ARMH4: variants seen among roughly 807,000 people sequenced by gnomAD.
ARMH4 encodes the protein armadillo like helical domain containing 4.
ARMH4 carries 49 observed loss-of-function variants against 61.9 expected under a neutral mutation model. That is an observed-to-expected ratio of 0.79 (90% CI 0.63 to 1.00). The LOEUF is 1.00. Ranked by LOEUF, ARMH4 falls within the 50% of genes least tolerant of loss-of-function variation. ARMH4 has a pLI of 0.00. For missense variants in ARMH4, 934 were observed against 930.0 expected (o/e 1.00, Z -0.06); for synonymous variants, 368 against 341.5 (o/e 1.08, Z -0.85).
rs942417730 is a variant in ARMH4 at position 58,138,339 on chromosome 14, C to G, written c.1020G>C (p.Thr340=). ...LGDNEETQVR[T]EMSQTAQVSH... is the part of the protein sequence containing the mutation. Reference sequence around the variant, plus strand: ...TTACTTGTGCTGTCTGAGACATCTCCGTTCTCACCTGAGTCTCTTCATTGT... The same window carrying G: ...TTACTTGTGCTGTCTGAGACATCTCGGTTCTCACCTGAGTCTCTTCATTGT... Residue 340 remains threonine, a synonymous_variant, in exon 2 of 8, where the codon ACG becomes ACC. Coordinates refer to ENST00000267485, the MANE Select transcript of ARMH4 (RefSeq NM_001001872.4). 7 of 1,614,198 alleles carry G rather than the reference C, an allele frequency of 4.3e-6. No individual in the cohort carries two copies. Among genetic ancestry groups the G allele is most frequent in the Non-Finnish European group, 5.9e-6 (7 of 1,180,034 alleles).
At chr14:58,130,595 G>A (rs1426353865) in intron 4 of ARMH4, among the ~76,000 whole-genome samples, 7 of 147,512 alleles carry the variant, frequency 4.7e-5, no homozygotes, top group South Asian at 2.3e-4. Flanking sequence ...ACGTGACTAT[G>A]TGTCATATTT....
rs201610059 is a variant in ARMH4 at position 58,131,541 on chromosome 14, G to A, written c.1802C>T (p.Ser601Leu). The change falls in exon 4 of 8, where the codon TCA (serine) becomes TTA (leucine). Residue 601 changes from serine to leucine, a missense_variant. By Grantham distance (145) the Ser-to-Leu change is moderately radical (BLOSUM62 -2). Transcript: ENST00000267485. ...PSITRVNTAASYGLDQLESEE... is the reference protein window; with the variant it reads ...PSITRVNTAALYGLDQLESEE... Reference sequence around the variant, plus strand: ...AGATTCAAGTTGGTCCAGGCCATATGAGGCAGCTGTATTAACACGAGTAAT... The same window carrying A: ...AGATTCAAGTTGGTCCAGGCCATATAAGGCAGCTGTATTAACACGAGTAAT... 26 of 1,614,152 alleles carry A rather than the reference G, an allele frequency of 1.6e-5. No homozygotes were observed. Among genetic ancestry groups the A allele is most frequent in the East Asian group, 2.2e-5 (1 of 44,878 alleles).
chr14:58,069,459 T>G (rs988326800), intron 5 of ARMH4, among the ~76,000 whole-genome samples: 1 of 152,072 alleles, frequency 6.6e-6, no homozygotes, highest in African/African-American at 2.4e-5. Context: ...AAGGAAGTAA[T>G]AGATTAATGA....
At chr14:58,152,014 G>C (rs1036955581) in intron 1 of ARMH4, 61 bp downstream of exon 1, 18 of 152,588 alleles carry the variant, frequency 1.2e-4, no homozygotes, top group African/African-American at 4.1e-4. Context: ...TTCCGTCCCT[G>C]CCCCGGCGCC....
At chr14:58,121,372 A>C (rs999028601) in intron 4 of ARMH4, among the ~76,000 whole-genome samples, 13 of 152,204 alleles carry the variant, frequency 8.5e-5, no homozygotes, top group African/African-American at 1.7e-4. Context: ...CACACACACA[A>C]AAAATAGATG....
chr14:58,046,248 G>A (rs370025879), intron 5 of ARMH4, among the ~76,000 whole-genome samples: 44 of 152,228 alleles, frequency 2.9e-4, no homozygotes, highest in African/African-American at 8.7e-4. Context: ...GGACCAATAC[G>A]TTTGGAAACT....
rs530154400 is a variant in ARMH4, at chr14:58,011,529, T to C, written c.2121+590A>G. ...ACTCCATCAATATCTTTATGAGTAA[T>C]TCAGTTTAAAATTACCAAGTAACCA... On this transcript the variant is annotated intron_variant, in intron 6 of 7. Coordinates refer to ENST00000267485, the MANE Select transcript of ARMH4 (RefSeq NM_001001872.4). Among the ~76,000 whole-genome samples the C allele has an allele frequency of 1.2e-4, 19 of 152,176 alleles. No homozygotes were observed. The South Asian group carries it at 3.7e-3, about 30-fold the overall frequency.
chr14:58,144,881 CA>C (rs1009819084), intron 1 of ARMH4, among the ~76,000 whole-genome samples: 8 of 151,438 alleles, frequency 5.3e-5, no homozygotes, highest in Admixed American at 6.6e-5. Context: ...AAAAAACAAA[CA>C]AAAAAAATAT....
chr14:58,091,886 A>T (rs1160105338), intron 5 of ARMH4, among the ~76,000 whole-genome samples: 1 of 152,046 alleles, frequency 6.6e-6, no homozygotes, highest in African/African-American at 2.4e-5. Context: ...TATCCCAGCA[A>T]CACACAGTTC....
intron 4 of ARMH4, among the ~76,000 whole-genome samples, chr14:58,110,106 G>T (rs1442137939): frequency 1.3e-5 from 2 of 152,172 alleles, no homozygotes; most frequent in Non-Finnish European, 2.9e-5. Context: ...TTCAAGATGA[G>T]ATTTGGGTGG....
intron 1 of ARMH4, among the ~76,000 whole-genome samples, chr14:58,147,161 A>G (rs994184749): frequency 1.6e-4 from 24 of 152,156 alleles, no homozygotes; most frequent in African/African-American, 5.8e-4. Flanking sequence ...TCTCCTTTAC[A>G]TTCTAGATTC....
chr14:58,096,282 G>A (rs546388449), intron 5 of ARMH4, among the ~76,000 whole-genome samples: 5 of 152,286 alleles, frequency 3.3e-5, no homozygotes, highest in Non-Finnish European at 7.4e-5. Context: ...GGACAGAGCG[G>A]AACAAAAAAT....
chr14:58,111,966 T>G (rs1225803880), intron 4 of ARMH4, among the ~76,000 whole-genome samples: 1 of 152,160 alleles, frequency 6.6e-6, no homozygotes, highest in Non-Finnish European at 1.5e-5. Context: ...AGTTCTGGGA[T>G]TAAAGGCATG....
intron 4 of ARMH4, among the ~76,000 whole-genome samples, chr14:58,124,356 C>G (rs1886829136): frequency 6.6e-6 from 1 of 152,164 alleles, no homozygotes; most frequent in South Asian, 2.1e-4. Context: ...AGCTTGCAAC[C>G]CATGGCATAC....
intron 5 of ARMH4, among the ~76,000 whole-genome samples, chr14:58,057,322 A>G (rs1293469632): frequency 6.6e-6 from 1 of 152,242 alleles, no homozygotes; most frequent in African/African-American, 2.4e-5. Context: ...GAGATTTTAC[A>G]GGACACTTAG....
chr14:58,139,967 C>G (rs1260506356), intron 1 of ARMH4, among the ~76,000 whole-genome samples: 1 of 152,096 alleles, frequency 6.6e-6, no homozygotes, highest in Admixed American at 6.6e-5. Context: ...GGGATTTATG[C>G]CCTTATAAAA....
At chr14:58,023,529 T>C (rs1381204152) in intron 5 of ARMH4, among the ~76,000 whole-genome samples, 4 of 152,188 alleles carry the variant, frequency 2.6e-5, no homozygotes, top group Non-Finnish European at 5.9e-5. Flanking sequence ...CAATGAAGTC[T>C]TGAACCCCTC....
intron 5 of ARMH4, among the ~76,000 whole-genome samples, chr14:58,059,899 T>G (rs1370161117): frequency 2.0e-5 from 3 of 152,208 alleles, no homozygotes. Flanking sequence ...GACTCTCTTG[T>G]GACTACAGCT....
intron 4 of ARMH4, among the ~76,000 whole-genome samples, chr14:58,127,866 G>A (rs1188683012): frequency 6.6e-6 from 1 of 152,040 alleles, no homozygotes; most frequent in Admixed American, 6.6e-5. Context: ...GCGGGGGGTG[G>A]GAGGGAGGAC....
Sources: gnomAD v4.1 joint callset for allele counts (sites outside exome capture counted in the v4.1 genomes callset) on GRCh38, gnomAD v4.1.1 for gene constraint, MANE v1.5 for transcripts, NCBI Gene and HGNC (gene_info 2026-07-23, HGNC 2026-07-21) for gene names.